The following SLC5A4 variants were observed in gnomAD, a reference collection of about 807,000 sequenced individuals.
The protein encoded by SLC5A4 is solute carrier family 5 member 4.
SLC5A4 carries 55 observed loss-of-function variants against 70.3 expected under a neutral mutation model. The observed-to-expected ratio is 0.78, with a 90% CI of 0.63 to 0.98. The LOEUF (loss-of-function observed/expected upper bound fraction) is 0.98, where lower values mean the gene tolerates loss of function less well. Ranked by LOEUF, SLC5A4 falls within the 50% of genes least tolerant of loss-of-function variation. SLC5A4 has a pLI of 0.00. For synonymous variants in SLC5A4, 268 were observed against 305.7 expected, an observed-to-expected ratio of 0.88 and a Z score of 1.29; for missense variants, 735 against 839.2, an observed-to-expected ratio of 0.88 and a Z score of 1.53.
the SLC5A4 span, chr22:32,269,669 A>C: frequency 3.4e-6 from 2 of 595,164 alleles, no homozygotes; most frequent in Non-Finnish European, 6.6e-6. The surrounding 1 kb of genome is among the most constrained non-coding windows in gnomAD (Gnocchi z 4.1). Context: ...GCTCGCTGTT[A>C]TACCTGAACC....
At chr22:32,272,291 C>A in the SLC5A4 span, 2 of 811,004 alleles carry the variant, frequency 2.5e-6, no homozygotes, top group Non-Finnish European at 4.4e-6. Context: ...GAGTCCTTTA[C>A]GAGAAGGAGC....
the SLC5A4 span, among the ~76,000 whole-genome samples, chr22:32,308,105 A>T: frequency 6.6e-6 from 1 of 152,004 alleles, no homozygotes; most frequent in Non-Finnish European, 1.5e-5. Context: ...TCACTCTGTC[A>T]CCCAGGCTGG....
At chr22:32,309,682 A>G in the SLC5A4 span, among the ~76,000 whole-genome samples, 1 of 151,936 alleles carries the variant, frequency 6.6e-6, no homozygotes, top group African/African-American at 2.4e-5. Flanking sequence ...TTCCACACCG[A>G]GTGTTCACAC....
chr22:32,302,050 T>C, the SLC5A4 span, among the ~76,000 whole-genome samples: 7 of 152,176 alleles, frequency 4.6e-5, no homozygotes, highest in Admixed American at 3.3e-4. Context: ...AACATATGGG[T>C]AATTCTTCAT....
chr22:32,316,943 T>C, the SLC5A4 span, among the ~76,000 whole-genome samples: 1 of 150,984 alleles, frequency 6.6e-6, no homozygotes, highest in African/African-American at 2.4e-5. Flanking sequence ...TCTGTGTGTG[T>C]GTGTGTGTGT....
At chr22:32,309,060 G>A in the SLC5A4 span, among the ~76,000 whole-genome samples, 2 of 152,162 alleles carry the variant, frequency 1.3e-5, no homozygotes, top group East Asian at 1.9e-4. Flanking sequence ...TTTCAGCAAT[G>A]GTTATGGTCA....
At chr22:32,310,955 G>T in the SLC5A4 span, among the ~76,000 whole-genome samples, 4 of 152,292 alleles carry the variant, frequency 2.6e-5, no homozygotes, top group East Asian at 7.7e-4. Context: ...CAGCCACCTG[G>T]CTTTCTTATG....
chr22:32,343,636 C>T, the SLC5A4 span, among the ~76,000 whole-genome samples: 4 of 152,182 alleles, frequency 2.6e-5, no homozygotes, highest in Non-Finnish European at 4.4e-5. Flanking sequence ...AACGGATAAA[C>T]TATCAGCTAA....
At chr22:32,295,901 T>A in the SLC5A4 span, among the ~76,000 whole-genome samples, 2 of 39,270 alleles carry the variant, frequency 5.1e-5, no homozygotes, top group East Asian at 1.5e-3. Context: ...CAGCACCATT[T>A]ATTAAATAGG....
chr22:32,250,850 C>A (rs1927097513), intron 3 of SLC5A4, among the ~76,000 whole-genome samples: 1 of 151,728 alleles, frequency 6.6e-6, no homozygotes. Context: ...GCAAACTAAC[C>A]CAGGAACAGG....
upstream of SLC5A4, among the ~76,000 whole-genome samples, chr22:32,256,512 T>A (rs1927496668): frequency 6.6e-6 from 1 of 152,178 alleles, no homozygotes. Flanking sequence ...ATTACCACTA[T>A]CCATTTCCAG....
chr22:32,271,278 C>A, the SLC5A4 span: 1 of 757,462 alleles, frequency 1.3e-6, no homozygotes, highest in Non-Finnish European at 2.3e-6. Context: ...TTGGAGAGCC[C>A]ACCACACAGG....
chr22:32,354,538 C>T, the SLC5A4 span, among the ~76,000 whole-genome samples: 3 of 152,124 alleles, frequency 2.0e-5, no homozygotes, highest in African/African-American at 2.4e-5. Flanking sequence ...ATGCAACACC[C>T]GATAGTTCTT....
At chr22:32,305,871 T>TGGTGCC in the SLC5A4 span, among the ~76,000 whole-genome samples, 637 of 151,124 alleles carry the variant, frequency 4.2e-3, 7 homozygotes, top group African/African-American at 0.015. Flanking sequence ...CTGTCTCGTC[T>TGGTGCC]GGTGCCAGTG....
At chr22:32,322,123 C>G in the SLC5A4 span, among the ~76,000 whole-genome samples, 1 of 152,144 alleles carries the variant, frequency 6.6e-6, no homozygotes, top group Non-Finnish European at 1.5e-5. Context: ...GTGTGACCAG[C>G]TCAACATTCT....
chr22:32,337,093 C>T, the SLC5A4 span, among the ~76,000 whole-genome samples: 3 of 152,190 alleles, frequency 2.0e-5, no homozygotes, highest in Non-Finnish European at 4.4e-5. Context: ...ATCAGTCTTT[C>T]GGCCTCCTCA....
chr22:32,312,363 G>GCACACACACACACA, the SLC5A4 span, among the ~76,000 whole-genome samples: 8 of 84,546 alleles, frequency 9.5e-5, no homozygotes, highest in African/African-American at 3.1e-4. Context: ...ACACGCGCGC[G>GCACACACACACACA]CGCACACACA....
the SLC5A4 span, among the ~76,000 whole-genome samples, chr22:32,308,802 A>G: frequency 4.6e-5 from 7 of 152,132 alleles, no homozygotes; most frequent in African/African-American, 7.2e-5. Flanking sequence ...GTGTCCATGC[A>G]TGTGTGTGCA....
the SLC5A4 span, chr22:32,327,183 C>T: frequency 3.9e-5 from 6 of 152,268 alleles, no homozygotes; most frequent in Non-Finnish European, 5.9e-5. Flanking sequence ...AGGTTCACAG[C>T]AGCTTTACTG....
Sources: gnomAD v4.1 joint callset for allele counts (sites outside exome capture counted in the v4.1 genomes callset) on GRCh38, gnomAD v4.1.1 for gene constraint, Gnocchi (gnomAD v3.1) non-coding constraint, MANE v1.5 for transcripts, NCBI Gene and HGNC (gene_info 2026-07-23, HGNC 2026-07-21) for gene names.